NLGN1: variants seen among roughly 807,000 people sequenced by gnomAD.
NLGN1 encodes the protein neuroligin 1.
Under a neutral mutation model 65.5 loss-of-function variants are expected in NLGN1, and 12 were observed. The observed-to-expected ratio is 0.18, with a 90% CI of 0.12 to 0.30. The LOEUF (loss-of-function observed/expected upper bound fraction) is 0.30, where lower values mean the gene tolerates loss of function less well. NLGN1 is among the 10% of genes least tolerant of loss of function. The pLI is 1.00. For missense variants in NLGN1, 750 were observed against 1,007.1 expected, an observed-to-expected ratio of 0.74 and a Z score of 3.46; for synonymous variants, 350 against 359.5, an observed-to-expected ratio of 0.97 and a Z score of 0.30.
At chr3:174,032,346 C>T (rs1730192973) in intron 4 of NLGN1, among the ~76,000 whole-genome samples, 1 of 152,238 alleles carries the variant, frequency 6.6e-6, no homozygotes. Context: ...ACACACTGAA[C>T]CAATTAATCA....
At chr3:173,869,950 A>T (rs898840248) in intron 4 of NLGN1, among the ~76,000 whole-genome samples, 2 of 152,166 alleles carry the variant, frequency 1.3e-5, no homozygotes, top group African/African-American at 4.8e-5. Context: ...TTTGAAAGAA[A>T]GTCTTTTATT....
At chr3:173,963,576 C>G (rs964626840) in intron 4 of NLGN1, among the ~76,000 whole-genome samples, 3 of 151,788 alleles carry the variant, frequency 2.0e-5, no homozygotes, top group African/African-American at 7.3e-5. Flanking sequence ...ATTTTAAAAG[C>G]TTTGTGGACT....
chr3:173,537,480 C>A (rs1467846509), intron 2 of NLGN1, among the ~76,000 whole-genome samples: 1 of 126,192 alleles, frequency 7.9e-6, no homozygotes, highest in Non-Finnish European at 1.6e-5. Context: ...AAGGTATTTG[C>A]TTAGTGTGTG....
chr3:173,684,687 C>G (rs1424646546), intron 3 of NLGN1, among the ~76,000 whole-genome samples: 1 of 151,996 alleles, frequency 6.6e-6, no homozygotes, highest in Non-Finnish European at 1.5e-5. Context: ...TTATTGTTCA[C>G]TTTTTTTGTT....
At chr3:174,087,856 TG>T (rs1303054205) in intron 4 of NLGN1, among the ~76,000 whole-genome samples, 1 of 152,224 alleles carries the variant, frequency 6.6e-6, no homozygotes, top group East Asian at 1.9e-4. Context: ...GTCCCAATTA[TG>T]TATCAGGGAA....
At chr3:173,829,753 G>C (rs1374362476) in intron 4 of NLGN1, among the ~76,000 whole-genome samples, 1 of 152,114 alleles carries the variant, frequency 6.6e-6, no homozygotes, top group Non-Finnish European at 1.5e-5. Context: ...GAATTTACCT[G>C]ATTTGTTCTC....
chr3:174,111,714 G>A (rs527587121), intron 4 of NLGN1, among the ~76,000 whole-genome samples: 90 of 151,990 alleles, frequency 5.9e-4, no homozygotes, highest in African/African-American at 2.1e-3. Context: ...GGGGAAGGAA[G>A]GGAATGAATT....
chr3:174,205,358 C>T (rs1735205913), intron 4 of NLGN1, among the ~76,000 whole-genome samples: 1 of 151,862 alleles, frequency 6.6e-6, no homozygotes, highest in Non-Finnish European at 1.5e-5. Flanking sequence ...ATTTGCATTA[C>T]TCACTCTTAC....
chr3:174,032,870 C>T (rs546967388), intron 4 of NLGN1, among the ~76,000 whole-genome samples: 1 of 152,004 alleles, frequency 6.6e-6, no homozygotes, highest in Non-Finnish European at 1.5e-5. Context: ...CTAGCCTTCC[C>T]GTTTTCTAAC....
chr3:174,077,499 A>G (rs910649896), intron 4 of NLGN1, among the ~76,000 whole-genome samples: 3 of 152,128 alleles, frequency 2.0e-5, no homozygotes, highest in African/African-American at 7.2e-5. Context: ...TATTTGGACA[A>G]CATGAGGAAA....
chr3:174,014,803 C>T (rs1579773202), intron 4 of NLGN1, among the ~76,000 whole-genome samples: 1 of 152,136 alleles, frequency 6.6e-6, no homozygotes, highest in African/African-American at 2.4e-5. Context: ...TAACCTTCCT[C>T]TCAAGCTTGT....
chr3:174,071,125 G>A (rs542046551), intron 4 of NLGN1, among the ~76,000 whole-genome samples: 17 of 152,242 alleles, frequency 1.1e-4, no homozygotes, highest in African/African-American at 1.2e-4. Context: ...GAAAATTTAC[G>A]TAGGAAAACT....
intron 4 of NLGN1, among the ~76,000 whole-genome samples, chr3:174,175,230 C>T (rs1381057813): frequency 6.6e-6 from 1 of 151,630 alleles, no homozygotes; most frequent in Non-Finnish European, 1.5e-5. Flanking sequence ...ATGATGAATG[C>T]GGGGGAGTCT....
chr3:174,014,029 C>T (rs1331125558), intron 4 of NLGN1, among the ~76,000 whole-genome samples: 1 of 152,038 alleles, frequency 6.6e-6, no homozygotes, highest in Non-Finnish European at 1.5e-5. Context: ...CTAGTATTTT[C>T]TAAAGATACT....
chr3:173,814,262 A>C (rs1024879425), intron 4 of NLGN1, among the ~76,000 whole-genome samples: 1 of 152,238 alleles, frequency 6.6e-6, no homozygotes, highest in African/African-American at 2.4e-5. Context: ...TTCACTTATA[A>C]TAGGATAGAG....
intron 4 of NLGN1, among the ~76,000 whole-genome samples, chr3:174,116,770 C>T (rs1716576334): frequency 6.6e-6 from 1 of 151,970 alleles, no homozygotes; most frequent in Non-Finnish European, 1.5e-5. Flanking sequence ...TTTAAATATT[C>T]TTAGATAATG....
chr3:174,052,532 A>G (rs552228239), intron 4 of NLGN1, among the ~76,000 whole-genome samples: 9 of 152,134 alleles, frequency 5.9e-5, no homozygotes, highest in African/African-American at 2.2e-4. Flanking sequence ...ATTTCTTACC[A>G]TAACATTATA....
chr3:174,140,364 A>G (rs975714445), intron 4 of NLGN1, among the ~76,000 whole-genome samples: 5 of 152,304 alleles, frequency 3.3e-5, no homozygotes, highest in African/African-American at 9.6e-5. Context: ...AGATAAATTA[A>G]TCTTTATTCT....
chr3:173,903,696 G>T (rs1232696244), intron 4 of NLGN1, among the ~76,000 whole-genome samples: 2 of 152,130 alleles, frequency 1.3e-5, no homozygotes, highest in Non-Finnish European at 2.9e-5. Flanking sequence ...AGGTATACCT[G>T]CGGGCAAGGA....
Sources: allele counts gnomAD v4.1 joint callset (sites outside exome capture counted in the v4.1 genomes callset), GRCh38; gene constraint gnomAD v4.1.1; transcripts MANE v1.5; gene names NCBI Gene and HGNC (gene_info 2026-07-23, HGNC 2026-07-21).